The following B3GALT1 variants were observed in gnomAD, a reference collection of about 807,000 sequenced individuals.
The protein encoded by B3GALT1 is UDP-Gal:betaGlcNAc beta 1,3-galactosyltransferase, polypeptide 1.
Under a neutral mutation model 23.2 loss-of-function variants are expected in B3GALT1, and 10 were observed. The ratio of observed to expected loss-of-function variants is 0.43; its 90% CI spans 0.27 to 0.73. B3GALT1 has a LOEUF of 0.73. B3GALT1 is among the 30% of genes least tolerant of loss of function. B3GALT1 has a pLI of 0.21. For missense variants in B3GALT1, 299 were observed against 405.4 expected, an observed-to-expected ratio of 0.74 and a Z score of 2.25; for synonymous variants, 156 against 141.5, an observed-to-expected ratio of 1.10 and a Z score of -0.73.
intron 1 of B3GALT1, among the ~76,000 whole-genome samples, chr2:167,413,410 A>T (rs549616646): frequency 6.6e-6 from 1 of 152,048 alleles, no homozygotes; most frequent in African/African-American, 2.4e-5. Context: ...AGGTTTTCTT[A>T]TATCACTGTA....
At chr2:167,632,867 T>G (rs968248048) in intron 2 of B3GALT1, among the ~76,000 whole-genome samples, 3 of 152,068 alleles carry the variant, frequency 2.0e-5, no homozygotes, top group Non-Finnish European at 4.4e-5. Context: ...ATGAATTCTT[T>G]GCCCATGCCT....
At chr2:167,335,506 C>G (rs938410333) in intron 1 of B3GALT1, among the ~76,000 whole-genome samples, 2 of 152,144 alleles carry the variant, frequency 1.3e-5, no homozygotes, top group African/African-American at 4.8e-5. Flanking sequence ...CTTATTGTTA[C>G]TTCTTGATTA....
intron 3 of B3GALT1, among the ~76,000 whole-genome samples, chr2:167,662,773 A>G (rs967011176): frequency 6.6e-6 from 1 of 151,676 alleles, no homozygotes; most frequent in Admixed American, 6.6e-5. Context: ...TCTCCTTTGC[A>G]TGCTCCTCTC....
intron 3 of B3GALT1, among the ~76,000 whole-genome samples, chr2:167,775,841 C>T (rs974184910): frequency 6.6e-6 from 1 of 152,052 alleles, no homozygotes. Flanking sequence ...TCACTACATA[C>T]AGAGCTTTAC....
At chr2:167,848,160 A>T (rs1398352756) in intron 4 of B3GALT1, among the ~76,000 whole-genome samples, 2 of 152,202 alleles carry the variant, frequency 1.3e-5, no homozygotes, top group African/African-American at 2.4e-5. Context: ...TCTACCAGAC[A>T]TTCAAAACAG....
chr2:167,849,502 T>C (rs1689826766), intron 4 of B3GALT1, among the ~76,000 whole-genome samples: 1 of 152,198 alleles, frequency 6.6e-6, no homozygotes, highest in African/African-American at 2.4e-5. Context: ...TTTCAACAAA[T>C]GGTGCTGGGA....
At chr2:167,661,671 T>C (rs1574196639) in intron 3 of B3GALT1, among the ~76,000 whole-genome samples, 1 of 152,044 alleles carries the variant, frequency 6.6e-6, no homozygotes, top group East Asian at 1.9e-4. Context: ...AAATTGCACC[T>C]CTGGTTGAGA....
In B3GALT1 at chr2:167,870,683, TAAC is replaced by T. The variant is rs965247113; in HGVS notation, c.*666_*668del. 3.0e-5 allele frequency: 5 copies of T among 167,048 alleles called. No homozygotes were observed. Among genetic ancestry groups the T allele is most frequent in the African/African-American group, 1.2e-4 (5 of 41,446 alleles). 10.3% of individuals were successfully genotyped at this position (167,048 alleles called of 1,614,324 possible). A position where few individuals can be genotyped will look rare whatever the true frequency, so the allele number is the denominator to read the frequency against. On this transcript the variant is annotated 3_prime_UTR_variant, in exon 5 of 5. Transcript: ENST00000392690. The stretch of plus-strand genomic sequence containing the variant: ...GGTGGAATGTGTATAAAATGCTACT[TAAC>T]AAAGTAAACAAAAGATTTTTTTTTT...
chr2:167,676,516 T>TACACACACACACAC (rs34764364), intron 3 of B3GALT1, among the ~76,000 whole-genome samples: 150 of 145,184 alleles, frequency 1.0e-3, no homozygotes, highest in Non-Finnish European at 1.6e-3. Flanking sequence ...TGTATGTTTA[T>TACACACACACACAC]ACACACACAC....
chr2:167,369,061 T>TTG (rs60938716), intron 1 of B3GALT1, among the ~76,000 whole-genome samples: 6,174 of 147,304 alleles, frequency 0.042, 368 homozygotes, highest in African/African-American at 0.14. Context: ...AAACTCTTAT[T>TTG]TGTGTGTGTG....
At chr2:167,657,034 A>G (rs770227503) in intron 3 of B3GALT1, among the ~76,000 whole-genome samples, 1 of 152,116 alleles carries the variant, frequency 6.6e-6, no homozygotes, top group Non-Finnish European at 1.5e-5. Context: ...AAGGGCAATG[A>G]TAGGGGAAAA....
At position 167,345,969 on chromosome 2, in the gene B3GALT1, G is replaced by T. The variant is rs558415239; in HGVS notation, c.-511+52635G>T. Among the ~76,000 whole-genome samples the T allele has an allele frequency of 2.6e-5, 4 of 151,162 alleles. No individual in the cohort carries two copies. In the South Asian group the frequency reaches 8.4e-4, roughly 32 times the overall value. Reference sequence around the variant, plus strand: ...GACCTGATTCATGGTATTTTTTCCAGCTTACTTTAGCACAGAGGTGGAGTC... The same window carrying T: ...GACCTGATTCATGGTATTTTTTCCATCTTACTTTAGCACAGAGGTGGAGTC... On this transcript the variant is annotated intron_variant, in intron 1 of 4. Coordinates refer to ENST00000392690, the MANE Select transcript of B3GALT1 (RefSeq NM_020981.4).
At chr2:167,644,732 A>C (rs905146008) in intron 2 of B3GALT1, among the ~76,000 whole-genome samples, 1 of 147,382 alleles carries the variant, frequency 6.8e-6, no homozygotes, top group African/African-American at 2.5e-5. Context: ...GTGAGCCAAG[A>C]TCGCACCACT....
chr2:167,336,814 G>C (rs986065907), intron 1 of B3GALT1, among the ~76,000 whole-genome samples: 1 of 151,906 alleles, frequency 6.6e-6, no homozygotes, highest in Non-Finnish European at 1.5e-5. Flanking sequence ...AACTTTTACA[G>C]TTCTAAACAT....
chr2:167,846,058 AAAG>A (rs1689753698), intron 4 of B3GALT1, among the ~76,000 whole-genome samples: 1 of 152,104 alleles, frequency 6.6e-6, no homozygotes, highest in African/African-American at 2.4e-5. Flanking sequence ...GTCAAAGAAA[AAAG>A]AAAAAGAAAA....
At chr2:167,851,243 A>G (rs1689879324) in intron 4 of B3GALT1, among the ~76,000 whole-genome samples, 1 of 152,152 alleles carries the variant, frequency 6.6e-6, no homozygotes, top group Non-Finnish European at 1.5e-5. Context: ...CTAAATTTAC[A>G]AGAATTAAAA....
At chr2:167,502,653 TCTCA>T (rs1358234612) in intron 2 of B3GALT1, among the ~76,000 whole-genome samples, 2 of 151,926 alleles carry the variant, frequency 1.3e-5, no homozygotes, top group Non-Finnish European at 2.9e-5. Flanking sequence ...TCTCATGAGA[TCTCA>T]CTCACTATTA....
intron 1 of B3GALT1, among the ~76,000 whole-genome samples, chr2:167,330,114 C>G (rs575794265): frequency 6.8e-6 from 1 of 146,852 alleles, no homozygotes; most frequent in South Asian, 2.1e-4. Context: ...GGTTTTCTAA[C>G]CCTTTCATTC....
chr2:167,822,519 A>ATTAC (rs939746932), intron 4 of B3GALT1, among the ~76,000 whole-genome samples: 4 of 152,298 alleles, frequency 2.6e-5, no homozygotes, highest in South Asian at 4.1e-4. Flanking sequence ...TTGTTATTTA[A>ATTAC]TTACTTAAAG....
Sources: gnomAD v4.1 joint callset for allele counts (sites outside exome capture counted in the v4.1 genomes callset) on GRCh38, gnomAD v4.1.1 for gene constraint, MANE v1.5 for transcripts, NCBI Gene and HGNC (gene_info 2026-07-23, HGNC 2026-07-21) for gene names.